The following XRN1 variants were observed in gnomAD, a reference collection of about 807,000 sequenced individuals.
The protein encoded by XRN1 is strand-exchange protein 1 homolog.
In XRN1, 67 loss-of-function variants were observed where a neutral mutation model predicts 222.3. That is an observed-to-expected ratio of 0.30 (90% CI 0.25 to 0.37). The LOEUF (loss-of-function observed/expected upper bound fraction) is 0.37. XRN1 is among the 10% of genes least tolerant of loss of function. XRN1 has a pLI of 1.00. For synonymous variants in XRN1, 643 were observed against 652.4 expected, an observed-to-expected ratio of 0.99 and a Z score of 0.22; for missense variants, 1,707 against 2,000.2, an observed-to-expected ratio of 0.85 and a Z score of 2.80.
chr3:142,417,974 A>G (rs1317831207), intron 12 of XRN1: 1 of 152,312 alleles, frequency 6.6e-6, no homozygotes, highest in Non-Finnish European at 1.5e-5. Flanking sequence ...TTACATTTTT[A>G]GTGTTTCAGT....
chr3:142,322,895 C>T (rs1390358976), intron 37 of XRN1, among the ~76,000 whole-genome samples: 2 of 151,986 alleles, frequency 1.3e-5, no homozygotes, highest in Non-Finnish European at 2.9e-5. Context: ...CCCAGCTACT[C>T]AGGAGGCTGA....
Position 142,332,541 on chromosome 3 carries a change from G to C in XRN1, c.4063-7C>G. ...TAAGCATCCGTGTTCCCTTCTTTTT[G>C]AAAATGATTCACATGGAGATGGTGA... On this transcript the variant is annotated splice_polypyrimidine_tract_variant and splice_region_variant and intron_variant, in intron 35 of 40. Transcript: ENST00000392981. The C allele has an allele frequency of 1.9e-6, 3 of 1,602,036 alleles. No individual in the cohort carries two copies. Among genetic ancestry groups the C allele is most frequent in the Non-Finnish European group, 2.6e-6 (3 of 1,173,990 alleles).
rs1343437733 is a variant in XRN1, at chr3:142,424,618, A to G, written c.627+604T>C. Among the ~76,000 whole-genome samples the G allele has an allele frequency of 2.0e-5, 3 of 152,190 alleles. No individual in the cohort carries two copies. In the East Asian group the frequency reaches 5.8e-4, roughly 29 times the overall value. The stretch of plus-strand genomic sequence containing the variant: ...GGTGGGATGATGGCATTGTGGTTAT[A>G]TATTTTTTCTTAAAAAAACACCTTA... On this transcript the variant is annotated intron_variant, in intron 5 of 40. Transcript: ENST00000392981.
At chr3:142,391,629 G>A (rs1001600990) in intron 20 of XRN1, among the ~76,000 whole-genome samples, 1 of 151,456 alleles carries the variant, frequency 6.6e-6, no homozygotes, top group Admixed American at 6.6e-5. Flanking sequence ...TTGCAGAGGC[G>A]GAGGCAGGAG....
At chr3:142,403,592 T>C in intron 18 of XRN1, 82 bp downstream of exon 18, 1 of 1,282,470 alleles carries the variant, frequency 7.8e-7, no homozygotes, top group Non-Finnish European at 1.1e-6. Flanking sequence ...CAACATATAA[T>C]ACCTCCCTGG....
At position 142,309,199 on chromosome 3, in the gene XRN1, G is replaced by A. The variant is rs1351785721; in HGVS notation, c.*2312C>T. The A allele has an allele frequency of 1.3e-5, 2 of 151,454 alleles. No homozygotes were observed. Among genetic ancestry groups the A allele is most frequent in the Non-Finnish European group, 2.9e-5 (2 of 67,856 alleles). The allele number at this position is 151,454 out of a possible 1,614,324, so 9.4% of individuals were successfully genotyped here. A position where few individuals can be genotyped will look rare whatever the true frequency, so the allele number is the denominator to read the frequency against. ...CAGTTTTGACCTTTAGAATAATAAT[G>A]TTAAAAAAAAAGTAAGGATAATAAA... On this transcript the variant is annotated 3_prime_UTR_variant, in exon 41 of 41. Transcript: ENST00000392981.
At chr3:142,430,930 G>A (rs988648934) in intron 2 of XRN1, among the ~76,000 whole-genome samples, 5 of 152,150 alleles carry the variant, frequency 3.3e-5, no homozygotes, top group African/African-American at 1.2e-4. Flanking sequence ...ACACAGTGGT[G>A]CTGATAATAC....
chr3:142,340,731 T>C (rs925766453), intron 33 of XRN1, among the ~76,000 whole-genome samples: 4 of 152,192 alleles, frequency 2.6e-5, no homozygotes, highest in African/African-American at 9.6e-5. Flanking sequence ...CAGCAGACTT[T>C]TCAGTGGAAA....
rs1559879415 is a variant in XRN1 at position 142,431,875 on chromosome 3, T to TTG, written c.308+785_308+786insCA. Among the ~76,000 whole-genome samples, 79 of 32,086 alleles carry TTG rather than the reference T, an allele frequency of 2.5e-3. 3 individuals are homozygous for TTG. The highest frequency in any genetic ancestry group is 0.011 in the African/African-American group (78 of 7,236). 21.0% of individuals were successfully genotyped at this position (32,086 alleles called of 152,430 possible). A position where few individuals can be genotyped will look rare whatever the true frequency, so the allele number is the denominator to read the frequency against. On this transcript the variant is annotated intron_variant, in intron 2 of 40. Transcript: ENST00000392981. ...TATATATTATATATAATATATTATA[T>TTG]TATATATATTATATATAATATATAT...
At chr3:142,434,055 A>G (rs866273779) in intron 1 of XRN1, among the ~76,000 whole-genome samples, 1 of 152,226 alleles carries the variant, frequency 6.6e-6, no homozygotes, top group East Asian at 1.9e-4. Flanking sequence ...TGAGAGTTTT[A>G]AAGTGCACTC....
rs543240317 is a variant in XRN1 at position 142,447,646 on chromosome 3, G to A, written c.75+224C>T. Among the ~76,000 whole-genome samples the A allele has an allele frequency of 1.1e-3, 175 of 152,342 alleles. 1 individual carries two copies. The highest frequency in any genetic ancestry group is 2.3e-3 in the Non-Finnish European group (155 of 68,020). ...ACCAGCAGAAGCAAGAGCTGTCAGA[G>A]AAGCCGTGAACCCAGCGGCTCTGTC... On this transcript the variant is annotated intron_variant, in intron 1 of 40. Coordinates refer to ENST00000392981, the MANE Select transcript of XRN1 (RefSeq NM_001282857.2). This position sits in a 1 kb window ranked among gnomAD's most constrained non-coding sequence, Gnocchi z 4.2.
chr3:142,322,800 C>T (rs1289855009), intron 37 of XRN1, among the ~76,000 whole-genome samples: 11 of 152,068 alleles, frequency 7.2e-5, no homozygotes, highest in Admixed American at 2.0e-4. Flanking sequence ...GTAAGGAGTT[C>T]GAGACCAGCC....
intron 25 of XRN1, among the ~76,000 whole-genome samples, chr3:142,374,234 G>C (rs1417861102): frequency 1.3e-5 from 2 of 152,084 alleles, no homozygotes; most frequent in Non-Finnish European, 2.9e-5. Context: ...TGAATTCCTA[G>C]GATGACAGTA....
chr3:142,430,933 G>A (rs913076412), intron 2 of XRN1, among the ~76,000 whole-genome samples: 1 of 152,182 alleles, frequency 6.6e-6, no homozygotes, highest in African/African-American at 2.4e-5. Flanking sequence ...CAGTGGTGCT[G>A]ATAATACCCT....
chr3:142,380,154 T>C lies in XRN1; in HGVS notation c.2643A>G (p.Thr881=). Residue 881 remains threonine (T), a synonymous_variant, in exon 23 of 41, where the codon ACA becomes ACG. Coordinates refer to ENST00000392981, the MANE Select transcript of XRN1 (RefSeq NM_001282857.2). ...GEVQDSGDVI[T]EGRIRVIFSI... The stretch of plus-strand genomic sequence containing the variant: ...TGAAAATCACACGAATCCTACCTTC[T>C]GTAATCACATCACCTGAATCCTGAA... 6.2e-7 allele frequency: 1 copy of C among 1,613,910 alleles called. No individual in the cohort carries two copies. Among genetic ancestry groups the C allele is most frequent in the Non-Finnish European group, 8.5e-7 (1 of 1,179,902 alleles).
chr3:142,425,746 A>C (rs927335329), intron 3 of XRN1, among the ~76,000 whole-genome samples: 3 of 152,176 alleles, frequency 2.0e-5, no homozygotes, highest in African/African-American at 7.2e-5. Flanking sequence ...TAATGTCACT[A>C]GTCCCCCTAA....
chr3:142,430,623 C>T (rs1014916608), intron 2 of XRN1, among the ~76,000 whole-genome samples: 1 of 152,148 alleles, frequency 6.6e-6, no homozygotes, highest in Non-Finnish European at 1.5e-5. Flanking sequence ...TCACCGGCAG[C>T]CTTCTTCAAA....
intron 1 of XRN1, chr3:142,434,908 A>C (rs2108177271): frequency 1.3e-5 from 2 of 152,336 alleles, no homozygotes; most frequent in East Asian, 3.9e-4. Context: ...TAAAAATTTT[A>C]CTGTAAGAAA....
chr3:142,361,249 G>A (rs534779631), intron 29 of XRN1, among the ~76,000 whole-genome samples: 1 of 152,310 alleles, frequency 6.6e-6, no homozygotes, highest in East Asian at 1.9e-4. Context: ...GTATTCCACT[G>A]CATATGTATC....
Sources: gnomAD v4.1 joint callset for allele counts (sites outside exome capture counted in the v4.1 genomes callset) on GRCh38, gnomAD v4.1.1 for gene constraint, Gnocchi (gnomAD v3.1) non-coding constraint, MANE v1.5 for transcripts, NCBI Gene and HGNC (gene_info 2026-07-23, HGNC 2026-07-21) for gene names.